The following NAALADL2 variants were observed in gnomAD, a reference collection of about 807,000 sequenced individuals.
NAALADL2 encodes inactive N-acetylated-alpha-linked acidic dipeptidase-like protein 2.
NAALADL2 carries 76 observed loss-of-function variants against 87.2 expected under a neutral mutation model. That is an observed-to-expected ratio of 0.87 (90% confidence interval 0.72 to 1.05). NAALADL2 has a LOEUF of 1.05. NAALADL2 is among the 50% of genes least tolerant of loss of function. The pLI, the probability that NAALADL2 is intolerant of heterozygous loss-of-function variation, is 0.00. For missense variants in NAALADL2, 1,089 were observed against 945.8 expected (o/e 1.15, Z -1.99); for synonymous variants, 354 against 331.0 (o/e 1.07, Z -0.75).
chr3:174,988,859 C>T (rs1171675606), intron 1 of NAALADL2, among the ~76,000 whole-genome samples: 1 of 152,086 alleles, frequency 6.6e-6, no homozygotes, highest in African/African-American at 2.4e-5. Flanking sequence ...TGGCTTAGTC[C>T]ATTTGTGTTG....
intron 1 of NAALADL2, among the ~76,000 whole-genome samples, chr3:174,933,289 G>T (rs1737196719): frequency 6.6e-6 from 1 of 152,186 alleles, no homozygotes. Context: ...TCCTACCACA[G>T]TGTAGACATA....
chr3:175,631,008 C>T (rs1473573251), intron 11 of NAALADL2, among the ~76,000 whole-genome samples: 3 of 151,166 alleles, frequency 2.0e-5, no homozygotes, highest in South Asian at 2.1e-4. Flanking sequence ...GATATAGCAT[C>T]ATAGCCCAAT....
intron 3 of NAALADL2, among the ~76,000 whole-genome samples, chr3:175,253,455 T>C (rs374656988): frequency 2.6e-5 from 4 of 152,344 alleles, no homozygotes; most frequent in East Asian, 1.9e-4. Context: ...TCTCTGTCAA[T>C]GTACCTGGTC....
chr3:175,190,423 G>T (rs1737969651), intron 2 of NAALADL2, among the ~76,000 whole-genome samples: 1 of 151,954 alleles, frequency 6.6e-6, no homozygotes, highest in South Asian at 2.1e-4. Flanking sequence ...ACATAAAATG[G>T]CCATCAGGTA....
intron 1 of NAALADL2, among the ~76,000 whole-genome samples, chr3:175,009,603 T>C (rs762662019): frequency 4.6e-5 from 7 of 152,226 alleles, no homozygotes; most frequent in Non-Finnish European, 8.8e-5. Context: ...AGATGCTATA[T>C]GAAAATATCA....
chr3:174,851,363 A>G (rs6791434), intron 3 of NAALADL2, among the ~76,000 whole-genome samples: 4 of 36,942 alleles, frequency 1.1e-4, no homozygotes, highest in African/African-American at 2.4e-4. Flanking sequence ...CAGCCAGACT[A>G]AAAAAAAAAA....
intron 11 of NAALADL2, among the ~76,000 whole-genome samples, chr3:175,699,277 C>CAT (rs1410851053): frequency 1.3e-5 from 2 of 151,714 alleles, no homozygotes; most frequent in African/African-American, 4.8e-5. Flanking sequence ...CAAAGCACTA[C>CAT]ATATATATAA....
chr3:174,977,058 C>A (rs1744449656), intron 1 of NAALADL2, among the ~76,000 whole-genome samples: 1 of 151,992 alleles, frequency 6.6e-6, no homozygotes, highest in African/African-American at 2.4e-5. Context: ...TATAGACAAC[C>A]CAGTGGATTC....
At chr3:174,451,290 C>T (rs1206222942) in intron 1 of NAALADL2, among the ~76,000 whole-genome samples, 1 of 152,098 alleles carries the variant, frequency 6.6e-6, no homozygotes, top group African/African-American at 2.4e-5. Context: ...CGATTCTTTC[C>T]TGGAATGGAG....
chr3:174,445,622 C>T (rs1345363441), intron 1 of NAALADL2, among the ~76,000 whole-genome samples: 1 of 152,126 alleles, frequency 6.6e-6, no homozygotes, highest in Non-Finnish European at 1.5e-5. Flanking sequence ...ACCTCTCTTT[C>T]CTCACACATA....
At chr3:175,141,220 TCTC>T (rs1242556135) in intron 2 of NAALADL2, among the ~76,000 whole-genome samples, 1 of 152,020 alleles carries the variant, frequency 6.6e-6, no homozygotes, top group African/African-American at 2.4e-5. Flanking sequence ...CTATCTTTCT[TCTC>T]CTTGCTTCTG....
intron 1 of NAALADL2, among the ~76,000 whole-genome samples, chr3:175,024,613 G>A (rs974444770): frequency 1.3e-5 from 2 of 152,044 alleles, no homozygotes; most frequent in African/African-American, 4.8e-5. Context: ...GAATATTATT[G>A]TATGCATTAT....
intron 2 of NAALADL2, among the ~76,000 whole-genome samples, chr3:175,190,475 A>C (rs981664340): frequency 1.3e-5 from 2 of 152,190 alleles, no homozygotes; most frequent in African/African-American, 4.8e-5. Context: ...AGGGATATGC[A>C]AGTCAAAACC....
At chr3:175,626,360 C>T (rs1312072984) in intron 10 of NAALADL2, among the ~76,000 whole-genome samples, 1 of 151,898 alleles carries the variant, frequency 6.6e-6, no homozygotes, top group Admixed American at 6.6e-5. Flanking sequence ...ATCTTAAATA[C>T]AGTGAATACA....
At chr3:175,663,423 A>G (rs1287505686) in intron 11 of NAALADL2, among the ~76,000 whole-genome samples, 1 of 151,554 alleles carries the variant, frequency 6.6e-6, no homozygotes, top group Non-Finnish European at 1.5e-5. Flanking sequence ...CTCTGATTTT[A>G]TTTGAATATT....
chr3:175,669,523 G>T (rs1315847862), intron 11 of NAALADL2, among the ~76,000 whole-genome samples: 1 of 151,722 alleles, frequency 6.6e-6, no homozygotes, highest in Non-Finnish European at 1.5e-5. Flanking sequence ...TCTTATACCT[G>T]GTATATAAAA....
intron 13 of NAALADL2, among the ~76,000 whole-genome samples, chr3:175,796,063 C>G (rs1753441557): frequency 8.6e-6 from 1 of 115,822 alleles, no homozygotes; most frequent in Non-Finnish European, 1.7e-5. Context: ...GGTGGTTTGG[C>G]AGGGAGGGAG....
intron 11 of NAALADL2, among the ~76,000 whole-genome samples, chr3:175,721,481 A>G (rs1742230982): frequency 6.6e-6 from 1 of 152,156 alleles, no homozygotes; most frequent in South Asian, 2.1e-4. Context: ...ACTATCAAAG[A>G]AAGCTGATGT....
intron 1 of NAALADL2, among the ~76,000 whole-genome samples, chr3:174,964,035 G>GAAAAA (rs35955059): frequency 7.9e-5 from 12 of 151,178 alleles, no homozygotes; most frequent in African/African-American, 2.2e-4. Context: ...AATCTTTTGG[G>GAAAAA]AAAAAAAACT....
Sources: allele counts gnomAD v4.1 joint callset (sites outside exome capture counted in the v4.1 genomes callset), GRCh38; gene constraint gnomAD v4.1.1; transcripts MANE v1.5; gene names NCBI Gene and HGNC (gene_info 2026-07-23, HGNC 2026-07-21).